Variants in SLC1A7 observed in about 807,000 individuals in gnomAD.
SLC1A7 encodes solute carrier family 1 member 7, also known as excitatory amino acid transporter 5.
Under a neutral mutation model 47.7 loss-of-function variants are expected in SLC1A7, and 40 were observed. The ratio of observed to expected loss-of-function variants is 0.84; its 90% CI spans 0.65 to 1.09. SLC1A7 has a LOEUF of 1.09. Ranked by LOEUF, SLC1A7 falls within the 50% of genes least tolerant of loss-of-function variation. The pLI is 0.00. For missense variants in SLC1A7, 746 were observed against 769.5 expected, an observed-to-expected ratio of 0.97 and a Z score of 0.36; for synonymous variants, 323 against 325.6, an observed-to-expected ratio of 0.99 and a Z score of 0.09.
chr1:53,102,221 C>G (rs1644591434), intron 5 of SLC1A7: 1 of 152,318 alleles, frequency 6.6e-6, no homozygotes, highest in Admixed American at 6.5e-5. Context: ...ATGAGAAGAG[C>G]TCCATTACCC....
chr1:53,091,909 T>A (rs2150314933), intron 7 of SLC1A7, among the ~76,000 whole-genome samples: 1 of 152,254 alleles, frequency 6.6e-6, no homozygotes, highest in African/African-American at 2.4e-5. Flanking sequence ...TTTGCACAAC[T>A]CTAAATTCCT....
rs1430670106 is a variant in SLC1A7 at position 53,088,123 on chromosome 1, C to T, written c.1569G>A (p.Leu523=). 6.2e-7 allele frequency: 1 copy of T among 1,613,076 alleles called. No homozygotes were observed. Among genetic ancestry groups the T allele is most frequent in the South Asian group, 1.1e-5 (1 of 90,792 alleles). The part of the protein sequence containing the change: ...KSVAEASELT[L]GPTCPHHVPV... ...GGACGTGGTGGGGGCAGGTGGGGCCCAGGGTGAGCTCGGAGGCCTCGGCTA... is the reference window on the plus strand; with the variant it reads ...GGACGTGGTGGGGGCAGGTGGGGCCTAGGGTGAGCTCGGAGGCCTCGGCTA... The change falls in exon 11 of 11, where the codon CTG becomes CTA. Residue 523 remains leucine (L), a synonymous_variant. Coordinates refer to ENST00000371494, the MANE Select transcript of SLC1A7 (RefSeq NM_006671.6).
At chr1:53,098,000 C>T (rs545668582) in intron 5 of SLC1A7, among the ~76,000 whole-genome samples, 50 of 149,724 alleles carry the variant, frequency 3.3e-4, no homozygotes, top group African/African-American at 1.1e-3. Flanking sequence ...CACACCACCT[C>T]GGTACACTCA....
chr1:53,110,755 T>C (rs1296122607), intron 3 of SLC1A7, among the ~76,000 whole-genome samples: 3 of 152,140 alleles, frequency 2.0e-5, no homozygotes, highest in Admixed American at 2.0e-4. Context: ...TTTAGGATGT[T>C]CACTCTCCTA....
chr1:53,133,234 A>G (rs567642431), intron 2 of SLC1A7, among the ~76,000 whole-genome samples: 1 of 152,312 alleles, frequency 6.6e-6, no homozygotes, highest in South Asian at 2.1e-4. Context: ...TGACAGATTC[A>G]CAGGCTCAGT....
At chr1:53,107,857 G>T (rs576888959) in intron 3 of SLC1A7, 2 of 152,214 alleles carry the variant, frequency 1.3e-5, no homozygotes, top group East Asian at 1.9e-4. Flanking sequence ...ACAAAAACCC[G>T]ACAGGAAAAC....
At chr1:53,122,567 C>T (rs1000687808) in intron 2 of SLC1A7, among the ~76,000 whole-genome samples, 1 of 152,192 alleles carries the variant, frequency 6.6e-6, no homozygotes, top group African/African-American at 2.4e-5. Context: ...CCAAGTCATG[C>T]TTCCCAGACG....
rs1385709900 is a variant in SLC1A7, at chr1:53,092,697, G to A, written c.888C>T (p.Tyr296=). The change falls in exon 7 of 11, where the codon TAC becomes TAT. Residue 296 remains tyrosine, a synonymous_variant. Transcript: ENST00000371494. ...PRAVGKKLGF[Y]SVTVVCGLVL... The stretch of plus-strand genomic sequence containing the variant: ...CCAGCCCGCACACCACGGTGACTGA[G>A]TAGAAGCCCAGCTTCTTGCCGACGG... The A allele has an allele frequency of 1.9e-6, 3 of 1,614,036 alleles. No individual in the cohort carries two copies. Among genetic ancestry groups the A allele is most frequent in the Admixed American group, 1.7e-5 (1 of 60,026 alleles).
At chr1:53,115,670 C>T (rs1408311070) in intron 2 of SLC1A7, 2 of 152,496 alleles carry the variant, frequency 1.3e-5, no homozygotes, top group Non-Finnish European at 1.5e-5. Context: ...AAGCAAGTCA[C>T]TTCCCCATCT....
At chr1:53,091,756 G>T (rs562774705) in intron 7 of SLC1A7, among the ~76,000 whole-genome samples, 1 of 152,300 alleles carries the variant, frequency 6.6e-6, no homozygotes, top group South Asian at 2.1e-4. Context: ...GGCCTTCAGT[G>T]CCAGAAAGAT....
intron 2 of SLC1A7, among the ~76,000 whole-genome samples, chr1:53,130,536 G>A (rs568147227): frequency 1.5e-5 from 2 of 134,950 alleles, no homozygotes; most frequent in African/African-American, 5.6e-5. Flanking sequence ...AGGACACACT[G>A]CAGAAAACCC....
In SLC1A7 at chr1:53,101,854, G is replaced by A. The variant is rs532633043; in HGVS notation, c.697+1492C>T. Reference sequence around the variant, plus strand: ...ACACGCACACTCAGTACACTCACACGCCCGCCTCGGTACACTCACACTCTT... The same window carrying A: ...ACACGCACACTCAGTACACTCACACACCCGCCTCGGTACACTCACACTCTT... On this transcript the variant is annotated intron_variant, in intron 5 of 10. Transcript: ENST00000371494. 1.1e-3 allele frequency among the ~76,000 whole-genome samples: 142 copies of A among 130,194 alleles called. 1 individual carries two copies. In the East Asian group the frequency reaches 0.015, roughly 14 times the overall value. 85.4% of individuals were successfully genotyped at this position (130,194 alleles called of 152,430 possible).
At chr1:53,110,105 C>T (rs1269806560) in intron 3 of SLC1A7, among the ~76,000 whole-genome samples, 1 of 152,208 alleles carries the variant, frequency 6.6e-6, no homozygotes, top group African/African-American at 2.4e-5. Flanking sequence ...CCAACCTCAT[C>T]TCCCAGAACC....
At chr1:53,110,457 G>T (rs1057215079) in intron 3 of SLC1A7, among the ~76,000 whole-genome samples, 3 of 152,138 alleles carry the variant, frequency 2.0e-5, no homozygotes, top group Admixed American at 6.5e-5. Context: ...GCTGGGGCGT[G>T]GGGGGTGCGG....
intron 5 of SLC1A7, among the ~76,000 whole-genome samples, chr1:53,096,378 A>G (rs959941617): frequency 6.9e-6 from 1 of 144,466 alleles, no homozygotes; most frequent in Admixed American, 6.9e-5. Context: ...ACACTCACAC[A>G]TCCCGCCTAG....
intron 5 of SLC1A7, among the ~76,000 whole-genome samples, chr1:53,101,270 C>G (rs12751209): frequency 7.1e-6 from 1 of 141,074 alleles, no homozygotes; most frequent in African/African-American, 2.7e-5. Context: ...CACCCCACCT[C>G]GGTACACTCG....
At chr1:53,118,046 C>G (rs992976747) in intron 2 of SLC1A7, among the ~76,000 whole-genome samples, 1 of 152,254 alleles carries the variant, frequency 6.6e-6, no homozygotes, top group African/African-American at 2.4e-5. Context: ...GTGCCAGGGC[C>G]ACCGCAGGTG....
chr1:53,122,014 C>T (rs1644831560), intron 2 of SLC1A7, among the ~76,000 whole-genome samples: 1 of 149,664 alleles, frequency 6.7e-6, no homozygotes, highest in Non-Finnish European at 1.5e-5. Flanking sequence ...CGGGGAGCAG[C>T]TGGGGGGCTG....
At chr1:53,131,442 C>A (rs1644941209) in intron 2 of SLC1A7, among the ~76,000 whole-genome samples, 1 of 152,236 alleles carries the variant, frequency 6.6e-6, no homozygotes, top group Non-Finnish European at 1.5e-5. Flanking sequence ...GAGAGAGGGG[C>A]AATGCCCAGG....
Sources: allele counts gnomAD v4.1 joint callset (sites outside exome capture counted in the v4.1 genomes callset), GRCh38; gene constraint gnomAD v4.1.1; transcripts MANE v1.5; gene names NCBI Gene and HGNC (gene_info 2026-07-23, HGNC 2026-07-21).